The following USP8 variants were observed in gnomAD, a reference collection of about 807,000 sequenced individuals.
USP8 encodes the protein ubiquitin carboxyl-terminal hydrolase 8.
Under a neutral mutation model 130.0 loss-of-function variants are expected in USP8, and 27 were observed. The observed-to-expected ratio is 0.21, with a 90% CI of 0.15 to 0.29. The LOEUF (loss-of-function observed/expected upper bound fraction) is 0.29. USP8 is among the 10% of genes least tolerant of loss of function. USP8 has a pLI of 1.00. For missense variants in USP8, 1,029 were observed against 1,312.2 expected (o/e 0.78, Z 3.33); for synonymous variants, 392 against 444.1 (o/e 0.88, Z 1.48).
intron 7 of USP8, among the ~76,000 whole-genome samples, chr15:50,469,729 T>C (rs1221034546): frequency 6.6e-6 from 1 of 152,200 alleles, no homozygotes; most frequent in Non-Finnish European, 1.5e-5. Flanking sequence ...CAGTTAAATA[T>C]TGAAATGCCA....
intron 7 of USP8, among the ~76,000 whole-genome samples, chr15:50,470,205 G>A (rs2051330574): frequency 6.6e-6 from 1 of 152,116 alleles, no homozygotes; most frequent in South Asian, 2.1e-4. Flanking sequence ...CTAAGCCATT[G>A]AACAAACAAA....
At chr15:50,456,976 A>T (rs974426629) in intron 4 of USP8, among the ~76,000 whole-genome samples, 1 of 152,242 alleles carries the variant, frequency 6.6e-6, no homozygotes, top group African/African-American at 2.4e-5. Context: ...CACTTGAGGA[A>T]TAGCACAGCT....
At position 50,500,957 on chromosome 15, in the gene USP8, G is replaced by T; in HGVS notation, c.*1869G>T. The T allele has an allele frequency of 1.2e-6, 1 of 862,784 alleles. No homozygotes were observed. Among genetic ancestry groups the T allele is most frequent in the Non-Finnish European group, 1.8e-6 (1 of 545,366 alleles). 53.4% of individuals were successfully genotyped at this position (862,784 alleles called of 1,614,324 possible). A position where few individuals can be genotyped will look rare whatever the true frequency, so the allele number is the denominator to read the frequency against. On this transcript the variant is annotated 3_prime_UTR_variant, in exon 20 of 20. Coordinates refer to ENST00000307179, the MANE Select transcript of USP8 (RefSeq NM_005154.5). Reference sequence around the variant, plus strand: ...CCCTTATTCTAAATTAAAAGGAAGTGATAATTTTGTTGTTAAATCATGCAT... The same window carrying T: ...CCCTTATTCTAAATTAAAAGGAAGTTATAATTTTGTTGTTAAATCATGCAT...
chr15:50,460,381 G>A (rs1224556464), intron 5 of USP8, among the ~76,000 whole-genome samples: 6 of 137,030 alleles, frequency 4.4e-5, no homozygotes, highest in South Asian at 2.3e-4. Context: ...ATTTCAGCTC[G>A]CTGCAACCTC....
intron 17 of USP8, 114 bp downstream of exon 17, chr15:50,496,198 C>T (rs1352779533): frequency 1.6e-5 from 14 of 886,602 alleles, no homozygotes; most frequent in African/African-American, 6.8e-5. Context: ...CAGTAAAACT[C>T]GGCCGGGCGC....
chr15:50,454,962 A>C (rs549254335), intron 4 of USP8, among the ~76,000 whole-genome samples: 7 of 152,066 alleles, frequency 4.6e-5, no homozygotes, highest in Non-Finnish European at 8.8e-5. Context: ...TTTTATAGAG[A>C]TGGGGTCTTT....
At chr15:50,438,954 C>A in intron 1 of USP8, 55 bp from the exon 2 acceptor site, 2 of 695,374 alleles carry the variant, frequency 2.9e-6, no homozygotes, top group Non-Finnish European at 2.3e-6. Context: ...TTAAACTGCT[C>A]ACTTGTTTTA....
At position 50,497,039 on chromosome 15, in the gene USP8, T is replaced by C. The variant is rs181247796; in HGVS notation, c.2896-50T>C. Reference sequence around the variant, plus strand: ...TAACTAAATAGGTGCTCTCTGACATTATTGAAGAATCGAATTAACGAGTAT... The same window carrying C: ...TAACTAAATAGGTGCTCTCTGACATCATTGAAGAATCGAATTAACGAGTAT... On this transcript the variant is annotated intron_variant, in intron 17 of 19. Coordinates refer to ENST00000307179, the MANE Select transcript of USP8 (RefSeq NM_005154.5). 519 of 1,559,312 alleles carry C rather than the reference T, an allele frequency of 3.3e-4. 1 individual carries two copies. The African/African-American group carries it at 6.4e-3, about 19-fold the overall frequency.
chr15:50,506,970 A>C lies in USP8; in HGVS notation c.*7882A>C, dbSNP rs2052671126. ...GAGACTTCATCTCAAAAAAAAAAAA[A>C]AAAAAAAAAAAAAAAAAAAATCCAG... is the stretch of plus-strand genomic sequence containing the variant. On this transcript the variant is annotated 3_prime_UTR_variant, in exon 20 of 20. Coordinates refer to ENST00000307179, the MANE Select transcript of USP8 (RefSeq NM_005154.5). 6.6e-6 allele frequency: 1 copy of C among 150,696 alleles called. No homozygotes were observed. Among genetic ancestry groups the C allele is most frequent in the Non-Finnish European group, 1.5e-5 (1 of 68,738 alleles). 9.3% of individuals were successfully genotyped at this position (150,696 alleles called of 1,614,324 possible).
intron 1 of USP8, among the ~76,000 whole-genome samples, chr15:50,433,787 A>G (rs996565725): frequency 3.9e-5 from 6 of 151,910 alleles, no homozygotes; most frequent in African/African-American, 7.3e-5. Context: ...TTGTCTTTTT[A>G]GTAGAGACGG....
chr15:50,424,549 C>T, intron 1 of USP8, 35 bp downstream of exon 1: 1 of 398,624 alleles, frequency 2.5e-6, no homozygotes, highest in Non-Finnish European at 4.4e-6. Flanking sequence ...CACCTGTTCT[C>T]TGGGAAGTCG....
chr15:50,457,581 AGC>A (rs2050832352), intron 4 of USP8, among the ~76,000 whole-genome samples: 1 of 145,132 alleles, frequency 6.9e-6, no homozygotes, highest in Non-Finnish European at 1.5e-5. Flanking sequence ...AAAAAAAAAC[AGC>A]CAGCCACGGT....
At chr15:50,483,897 C>T (rs1419191555) in intron 11 of USP8, among the ~76,000 whole-genome samples, 1 of 152,042 alleles carries the variant, frequency 6.6e-6, no homozygotes, top group Non-Finnish European at 1.5e-5. Context: ...CTCTTGAATA[C>T]TTCAAATTTT....
chr15:50,490,646 G>A (rs759307457), intron 14 of USP8, 121 bp downstream of exon 14: 6 of 1,258,236 alleles, frequency 4.8e-6, no homozygotes, highest in South Asian at 3.0e-5. Flanking sequence ...TATACCAGCC[G>A]TTATTATTTA....
intron 2 of USP8, 57 bp downstream of exon 2, chr15:50,439,234 C>T: frequency 8.8e-7 from 1 of 1,140,312 alleles, no homozygotes. Flanking sequence ...TAGTTCGTTT[C>T]CATATTAAAG....
At chr15:50,474,925 A>G (rs1368333764) in intron 8 of USP8, among the ~76,000 whole-genome samples, 3 of 152,142 alleles carry the variant, frequency 2.0e-5, no homozygotes, top group Admixed American at 6.5e-5. Flanking sequence ...CCTGGCCAAC[A>G]TGGCGAAACC....
At chr15:50,450,296 A>G (rs2141267227) in intron 4 of USP8, among the ~76,000 whole-genome samples, 1 of 152,172 alleles carries the variant, frequency 6.6e-6, no homozygotes, top group African/African-American at 2.4e-5. Context: ...TACTGTGCGT[A>G]TAGGAATGAA....
In USP8 at chr15:50,509,098, G is replaced by C. The variant is rs1472635075; in HGVS notation, c.*10010G>C. The C allele has an allele frequency of 8.3e-6, 1 of 120,104 alleles. No individual in the cohort carries two copies. Among genetic ancestry groups the C allele is most frequent in the Non-Finnish European group, 1.6e-5 (1 of 62,622 alleles). The allele number at this position is 120,104 out of a possible 1,614,324, so 7.4% of individuals were successfully genotyped here. A position where few individuals can be genotyped will look rare whatever the true frequency, so the allele number is the denominator to read the frequency against. ...CAGTGAGCCAAGATCGCGCCACTGT[G>C]CTCCAGCCTGGGCGACAGAGCGAGA... On this transcript the variant is annotated 3_prime_UTR_variant, in exon 20 of 20. Transcript: ENST00000307179.
chr15:50,448,441 AAAC>A (rs889862673), intron 3 of USP8, among the ~76,000 whole-genome samples: 16 of 152,340 alleles, frequency 1.1e-4, no homozygotes, highest in East Asian at 5.8e-4. Flanking sequence ...GTGATTTAAA[AAAC>A]AACAACAACA....
Sources: gnomAD v4.1 joint callset for allele counts (sites outside exome capture counted in the v4.1 genomes callset) on GRCh38, gnomAD v4.1.1 for gene constraint, MANE v1.5 for transcripts, NCBI Gene and HGNC (gene_info 2026-07-23, HGNC 2026-07-21) for gene names.